Variants in XKR4 observed in about 807,000 individuals in gnomAD.
XKR4 encodes XK-related protein 4.
A neutral mutation model predicts 53.9 loss-of-function variants in XKR4; 12 were observed. The observed-to-expected ratio is 0.22, with a 90% CI of 0.14 to 0.36. The LOEUF is 0.36. Among genes scored for constraint, XKR4 ranks in the 10% least tolerant of loss-of-function variants. The probability of loss-of-function intolerance (pLI) is 1.00; values close to 1 mark genes in which losing one functional copy is unlikely to be tolerated. For synonymous variants in XKR4, 354 were observed against 362.4 expected, an observed-to-expected ratio of 0.98 and a Z score of 0.26; for missense variants, 799 against 859.5, an observed-to-expected ratio of 0.93 and a Z score of 0.88.
intron 2 of XKR4, among the ~76,000 whole-genome samples, chr8:55,457,146 C>CTTTTTTTTTTT (rs1554527639): frequency 2.9e-4 from 40 of 137,228 alleles, no homozygotes; most frequent in African/African-American, 8.2e-4. Flanking sequence ...TTTTCCTTTT[C>CTTTTTTTTTTT]TTTTTTTTTT....
At position 55,529,329 on chromosome 8, in the gene XKR4, C is replaced by T. The variant is rs546678177; in HGVS notation, c.*5102C>T. 2.2e-4 allele frequency: 34 copies of T among 152,120 alleles called. No individual in the cohort carries two copies. The highest frequency in any genetic ancestry group is 6.5e-4 in the African/African-American group (27 of 41,508). 9.4% of individuals were successfully genotyped at this position (152,120 alleles called of 1,614,324 possible). ...CTATATTCTGCTAAACAAGAGATGA[C>T]TTAATGTCCTTGAAATATTTTCGTA... is the stretch of plus-strand genomic sequence containing the variant. On this transcript the variant is annotated 3_prime_UTR_variant, in exon 3 of 3. Transcript: ENST00000327381.
chr8:55,102,492 G>A lies in XKR4; in HGVS notation c.4G>A (p.Ala2Thr). The change falls in exon 1 of 3, where the codon GCC becomes ACC. Residue 2 changes from alanine (A) to threonine (T), a missense_variant. Coordinates refer to ENST00000327381, the MANE Select transcript of XKR4 (RefSeq NM_052898.2). This position sits in a 1 kb window ranked among gnomAD's most constrained non-coding sequence, Gnocchi z 5.1. The stretch of plus-strand genomic sequence containing the variant: ...TCTCCTCCGGTGTGGAGGCATCATG[G>A]CCGCTAAATCAGACGGGAGGCTGAA... M[A>T]AKSDGRLKMK... 2.6e-6 allele frequency: 4 copies of A among 1,548,588 alleles called. No homozygotes were observed. The highest frequency in any genetic ancestry group is 3.5e-6 in the Non-Finnish European group (4 of 1,142,626).
chr8:55,457,986 A>T (rs770323617), intron 2 of XKR4, among the ~76,000 whole-genome samples: 2 of 152,204 alleles, frequency 1.3e-5, no homozygotes, highest in Non-Finnish European at 2.9e-5. Flanking sequence ...AAATTTAAAG[A>T]TCTAAATGAA....
At chr8:55,392,069 A>G (rs746040033) in intron 2 of XKR4, among the ~76,000 whole-genome samples, 2 of 152,240 alleles carry the variant, frequency 1.3e-5, no homozygotes, top group Non-Finnish European at 2.9e-5. Context: ...GAAGGTAAGT[A>G]AAAAGCTCAT....
chr8:55,380,046 C>T (rs1804208251), intron 2 of XKR4, among the ~76,000 whole-genome samples: 2 of 152,226 alleles, frequency 1.3e-5, no homozygotes, highest in Admixed American at 1.3e-4. Context: ...TTTGTGCTTC[C>T]TCTTCCTGTT....
intron 2 of XKR4, among the ~76,000 whole-genome samples, chr8:55,367,380 G>T (rs1804004440): frequency 6.6e-6 from 1 of 152,116 alleles, no homozygotes; most frequent in South Asian, 2.1e-4. Context: ...GGTTGTTGAT[G>T]TACACTGGTT....
At chr8:55,198,483 T>C (rs1221819851) in intron 1 of XKR4, among the ~76,000 whole-genome samples, 2 of 151,728 alleles carry the variant, frequency 1.3e-5, no homozygotes, top group African/African-American at 4.8e-5. Flanking sequence ...AATAGGTGCA[T>C]ATTTTTATAT....
chr8:55,194,565 GA>G (rs950165715), intron 1 of XKR4, among the ~76,000 whole-genome samples: 14 of 152,152 alleles, frequency 9.2e-5, no homozygotes, highest in Non-Finnish European at 1.5e-4. Flanking sequence ...TATACCGTTG[GA>G]AAAAAATGAT....
In XKR4 at chr8:55,191,436, T is replaced by C. The variant is rs565479474; in HGVS notation, c.806+88142T>C. On this transcript the variant is annotated intron_variant, in intron 1 of 2. Transcript: ENST00000327381. Reference sequence around the variant, plus strand: ...ACTTTTAGACCTTCATTTGTCCACTTTGGCCAGTAGAGCTCTTCTGTGCCC... The same window carrying C: ...ACTTTTAGACCTTCATTTGTCCACTCTGGCCAGTAGAGCTCTTCTGTGCCC... Among the ~76,000 whole-genome samples, 4 of 152,328 alleles carry C rather than the reference T, an allele frequency of 2.6e-5. No homozygotes were observed. In the South Asian group the frequency reaches 8.3e-4, roughly 32 times the overall value.
chr8:55,530,646 A>G lies in XKR4; in HGVS notation c.*6419A>G, dbSNP rs1806938657. 1 of 152,232 alleles carries G rather than the reference A, an allele frequency of 6.6e-6. No individual in the cohort carries two copies. The highest frequency in any genetic ancestry group is 1.5e-5 in the Non-Finnish European group (1 of 68,046). 9.4% of individuals were successfully genotyped at this position (152,232 alleles called of 1,614,324 possible). On this transcript the variant is annotated 3_prime_UTR_variant, in exon 3 of 3. Transcript: ENST00000327381. ...ATTTTTAAAAAATCTTCAATGATCA[A>G]TATGAATGTAGTGTATTAAAATACA...
At chr8:55,299,226 T>C (rs972084283) in intron 1 of XKR4, among the ~76,000 whole-genome samples, 1 of 152,182 alleles carries the variant, frequency 6.6e-6, no homozygotes, top group Non-Finnish European at 1.5e-5. Context: ...CTAATTTTAA[T>C]AAGTAGGTGA....
At chr8:55,466,081 A>G (rs1172437351) in intron 2 of XKR4, among the ~76,000 whole-genome samples, 1 of 152,142 alleles carries the variant, frequency 6.6e-6, no homozygotes, top group Non-Finnish European at 1.5e-5. Flanking sequence ...CAGTGTGGCG[A>G]TTCCTCAGGG....
chr8:55,451,883 G>T, intron 2 of XKR4: 1 of 852,126 alleles, frequency 1.2e-6, no homozygotes, highest in East Asian at 2.6e-5. Flanking sequence ...AGTGTGCTGG[G>T]CTCCAGCTCT....
intron 1 of XKR4, among the ~76,000 whole-genome samples, chr8:55,211,619 T>A (rs1031514754): frequency 9.2e-5 from 14 of 152,186 alleles, no homozygotes; most frequent in African/African-American, 3.4e-4. Flanking sequence ...TGGGCATGGG[T>A]TTTCAATTTT....
chr8:55,475,721 G>A (rs1346132829), intron 2 of XKR4, among the ~76,000 whole-genome samples: 1 of 151,750 alleles, frequency 6.6e-6, no homozygotes, highest in Non-Finnish European at 1.5e-5. Flanking sequence ...CTCTACCTCA[G>A]CCTCCCAAGT....
intron 2 of XKR4, among the ~76,000 whole-genome samples, chr8:55,433,915 C>T (rs1001245525): frequency 2.6e-5 from 4 of 152,048 alleles, no homozygotes; most frequent in South Asian, 2.1e-4. Flanking sequence ...GCTTGTAGTC[C>T]GAGCTACTCA....
intron 1 of XKR4, among the ~76,000 whole-genome samples, chr8:55,254,099 C>T (rs1043375879): frequency 2.6e-5 from 4 of 152,010 alleles, no homozygotes; most frequent in Admixed American, 6.6e-5. Flanking sequence ...CAAATGAGAG[C>T]GCTTGCTGTA....
chr8:55,404,009 G>A (rs1444537944), intron 2 of XKR4, among the ~76,000 whole-genome samples: 2 of 152,132 alleles, frequency 1.3e-5, no homozygotes, highest in Non-Finnish European at 2.9e-5. Flanking sequence ...ACCTCAACCT[G>A]CTATAGCCTT....
At chr8:55,157,100 A>G (rs1816919078) in intron 1 of XKR4, among the ~76,000 whole-genome samples, 1 of 152,206 alleles carries the variant, frequency 6.6e-6, no homozygotes, top group Non-Finnish European at 1.5e-5. Flanking sequence ...CAGTTGTCCT[A>G]TGGAATTGTA....
Sources: allele counts gnomAD v4.1 joint callset (sites outside exome capture counted in the v4.1 genomes callset), GRCh38; gene constraint gnomAD v4.1.1; non-coding constraint Gnocchi (gnomAD v3.1); transcripts MANE v1.5; gene names NCBI Gene and HGNC (gene_info 2026-07-23, HGNC 2026-07-21).